Variants in TF observed in about 807,000 individuals in gnomAD.
TF encodes the protein serotransferrin.
In TF, 55 loss-of-function variants were observed where a neutral mutation model predicts 82.4. That is an observed-to-expected ratio of 0.67 (90% CI 0.54 to 0.84). TF has a LOEUF of 0.84. Ranked by LOEUF, TF falls within the 40% of genes least tolerant of loss-of-function variation. The pLI, the probability that TF is intolerant of heterozygous loss-of-function variation, is 0.00. For missense variants in TF, 737 were observed against 868.4 expected (o/e 0.85, Z 1.90); for synonymous variants, 332 against 332.6 (o/e 1.00, Z 0.02).
intron 2 of TF, 198 bp downstream of exon 2, chr3:133,748,782 T>A: frequency 3.0e-6 from 2 of 676,846 alleles, no homozygotes; most frequent in Non-Finnish European, 2.5e-6. Context: ...AAAAGCACAT[T>A]AACTTTTGCT....
chr3:133,679,124 G>C, the TF span, among the ~76,000 whole-genome samples: 2 of 152,088 alleles, frequency 1.3e-5, no homozygotes, highest in Non-Finnish European at 2.9e-5. Context: ...ACCCGCCTCA[G>C]CCTCCCAAAG....
intron 3 of TF, 38 bp downstream of exon 3, chr3:133,753,741 C>A: frequency 1.3e-6 from 2 of 1,524,528 alleles, no homozygotes; most frequent in East Asian, 2.3e-5. Flanking sequence ...GAGTTGTCAT[C>A]CTTATTCTAT....
chr3:133,675,223 C>G, the TF span, among the ~76,000 whole-genome samples: 3 of 124,524 alleles, frequency 2.4e-5, no homozygotes, highest in Non-Finnish European at 4.7e-5. Flanking sequence ...CCAGCCTGGC[C>G]GACAGAGTGA....
rs201778469 is a variant in TF at position 133,753,719 on chromosome 3, G to A, written c.325+16G>A. 3 of 1,601,882 alleles carry A rather than the reference G, an allele frequency of 1.9e-6. No homozygotes were observed. The highest frequency in any genetic ancestry group is 4.5e-5 in the East Asian group (2 of 44,798). ...TCAAAAGAGGGTAAGTTCTCCCTGG[G>A]ACCCCAGGAAGGAGTTGTCATCCTT... On this transcript the variant is annotated intron_variant, in intron 3 of 16. Coordinates refer to ENST00000402696, the MANE Select transcript of TF (RefSeq NM_001063.4).
At chr3:133,679,598 A>T in the TF span, among the ~76,000 whole-genome samples, 2 of 63,364 alleles carry the variant, frequency 3.2e-5, no homozygotes, top group African/African-American at 1.5e-4. Context: ...TTTTTTACTC[A>T]GCATAATTGT....
rs751919223 is a variant in TF, at chr3:133,787,182, T to A, written c.*8562T>A. 12 of 152,258 alleles carry A rather than the reference T, an allele frequency of 7.9e-5. No homozygotes were observed. The highest frequency in any genetic ancestry group is 1.3e-4 in the Non-Finnish European group (9 of 68,044). The allele number at this position is 152,258 out of a possible 1,614,324, so 9.4% of individuals were successfully genotyped here. On this transcript the variant is annotated 3_prime_UTR_variant, in exon 17 of 17. Transcript: ENST00000402696. ...AATTTTGCAACATTTGGTCTCTAGA[T>A]GTTTAAGAAGTTGCCAGTGTATGAC...
the TF span, among the ~76,000 whole-genome samples, chr3:133,699,242 G>C: frequency 1.3e-5 from 2 of 152,248 alleles, no homozygotes; most frequent in African/African-American, 4.8e-5. Context: ...GCCCAGCCCT[G>C]TGTCTACCTG....
intron 1 of TF, among the ~76,000 whole-genome samples, chr3:133,747,932 T>TAA (rs547298759): frequency 1.4e-5 from 2 of 143,254 alleles, no homozygotes; most frequent in Non-Finnish European, 3.1e-5. Flanking sequence ...GACCTTGGGT[T>TAA]AAAAAAAAAA....
chr3:133,704,803 A>G, the TF span, among the ~76,000 whole-genome samples: 1 of 151,812 alleles, frequency 6.6e-6, no homozygotes, highest in African/African-American at 2.4e-5. Flanking sequence ...TGGGGCTGCA[A>G]GGTCATGTTC....
the TF span, among the ~76,000 whole-genome samples, chr3:133,706,692 G>A: frequency 6.6e-6 from 1 of 152,340 alleles, no homozygotes; most frequent in Admixed American, 6.5e-5. Flanking sequence ...TTCTGAGGCA[G>A]GAGGGCTGGG....
the TF span, among the ~76,000 whole-genome samples, chr3:133,691,555 T>C: frequency 1.3e-5 from 2 of 152,148 alleles, no homozygotes; most frequent in African/African-American, 4.8e-5. Flanking sequence ...AAGACTGTGG[T>C]CAGGGAATGC....
the TF span, among the ~76,000 whole-genome samples, chr3:133,681,945 C>T: frequency 3.9e-4 from 59 of 152,302 alleles, no homozygotes; most frequent in African/African-American, 1.3e-3. Flanking sequence ...CTGGGAGGCA[C>T]CTCCCAGTAG....
chr3:133,666,370 A>G, the TF span, among the ~76,000 whole-genome samples: 1 of 151,942 alleles, frequency 6.6e-6, no homozygotes, highest in African/African-American at 2.4e-5. Flanking sequence ...ATGGGGTTTC[A>G]CCATATTGGC....
chr3:133,676,004 A>C, the TF span, among the ~76,000 whole-genome samples: 1 of 152,146 alleles, frequency 6.6e-6, no homozygotes, highest in Non-Finnish European at 1.5e-5. Flanking sequence ...CCTGGGGCTT[A>C]AGGGTTATTA....
the TF span, among the ~76,000 whole-genome samples, chr3:133,731,110 C>G: frequency 1.3e-5 from 2 of 152,148 alleles, no homozygotes; most frequent in African/African-American, 2.4e-5. Context: ...TCTTCTTTTT[C>G]CATGGACCCT....
chr3:133,666,258 C>T, the TF span, among the ~76,000 whole-genome samples: 2 of 152,062 alleles, frequency 1.3e-5, no homozygotes, highest in South Asian at 2.1e-4. Flanking sequence ...CTGCAACCTC[C>T]GCCTCCTGGG....
chr3:133,777,406 T>C, intron 16 of TF, 168 bp downstream of exon 16: 1 of 659,576 alleles, frequency 1.5e-6, no homozygotes, highest in Non-Finnish European at 2.7e-6. Context: ...CAGGCTAGAC[T>C]GTAGGGGCAG....
At chr3:133,732,606 C>G in the TF span, among the ~76,000 whole-genome samples, 1 of 152,202 alleles carries the variant, frequency 6.6e-6, no homozygotes, top group Non-Finnish European at 1.5e-5. Context: ...TCCACACTAC[C>G]TTTATGAGCT....
intron 8 of TF, 142 bp from the exon 9 acceptor site, chr3:133,759,033 A>C: frequency 9.0e-7 from 1 of 1,115,384 alleles, no homozygotes; most frequent in Non-Finnish European, 1.4e-6. Flanking sequence ...TTTGCTTTCT[A>C]AGGTGATTAA....
Sources: allele counts gnomAD v4.1 joint callset (sites outside exome capture counted in the v4.1 genomes callset), GRCh38; gene constraint gnomAD v4.1.1; transcripts MANE v1.5; gene names NCBI Gene and HGNC (gene_info 2026-07-23, HGNC 2026-07-21).